ZNF385D: variants seen among roughly 807,000 people sequenced by gnomAD.
ZNF385D encodes the protein zinc finger protein 659.
Under a neutral mutation model 35.8 loss-of-function variants are expected in ZNF385D, and 15 were observed. The ratio of observed to expected loss-of-function variants is 0.42; its 90% CI spans 0.28 to 0.64. ZNF385D has a LOEUF of 0.64. Among genes scored for constraint, ZNF385D ranks in the 30% least tolerant of loss-of-function variants. The probability of loss-of-function intolerance (pLI) is 0.23; values close to 1 mark genes in which losing one functional copy is unlikely to be tolerated. For missense variants in ZNF385D, 474 were observed against 494.6 expected (o/e 0.96, Z 0.39); for synonymous variants, 212 against 186.8 (o/e 1.13, Z -1.10).
chr3:21,836,808 A>G (rs956020452), intron 3 of ZNF385D, among the ~76,000 whole-genome samples: 4 of 152,046 alleles, frequency 2.6e-5, no homozygotes, highest in African/African-American at 4.8e-5. Flanking sequence ...TCGGCTCACA[A>G]TGTACAAAAA....
chr3:22,147,818 G>A (rs770025657), intron 3 of ZNF385D, among the ~76,000 whole-genome samples: 6 of 152,100 alleles, frequency 3.9e-5, no homozygotes, highest in Admixed American at 6.6e-5. Flanking sequence ...ACAGATTCCA[G>A]TGATAAAGTT....
intron 2 of ZNF385D, among the ~76,000 whole-genome samples, chr3:21,575,073 G>A (rs1045461280): frequency 6.6e-6 from 1 of 152,018 alleles, no homozygotes; most frequent in Non-Finnish European, 1.5e-5. Context: ...AAACAAATAT[G>A]GATTTCTGTT....
At chr3:22,281,080 C>A (rs1701713871) in intron 2 of ZNF385D, among the ~76,000 whole-genome samples, 1 of 151,958 alleles carries the variant, frequency 6.6e-6, no homozygotes, top group Non-Finnish European at 1.5e-5. Flanking sequence ...TCTGTACATT[C>A]ATTTTGTACC....
chr3:21,907,211 T>C (rs1283174463), intron 3 of ZNF385D, among the ~76,000 whole-genome samples: 1 of 152,166 alleles, frequency 6.6e-6, no homozygotes, highest in Non-Finnish European at 1.5e-5. Flanking sequence ...AAAGTTCACT[T>C]TATTAAAAAT....
chr3:21,966,650 C>T (rs1037219614), intron 3 of ZNF385D, among the ~76,000 whole-genome samples: 1 of 152,170 alleles, frequency 6.6e-6, no homozygotes, highest in Admixed American at 6.5e-5. Flanking sequence ...GGTGCAATCT[C>T]GGTTCACTAC....
At chr3:21,760,383 C>A (rs182037792) in intron 3 of ZNF385D, among the ~76,000 whole-genome samples, 3 of 152,278 alleles carry the variant, frequency 2.0e-5, no homozygotes, top group East Asian at 1.9e-4. Context: ...ATATGATCAA[C>A]TGGATTTCTC....
intron 3 of ZNF385D, among the ~76,000 whole-genome samples, chr3:22,086,560 A>C (rs1217876121): frequency 5.3e-5 from 8 of 152,194 alleles, no homozygotes; most frequent in Non-Finnish European, 1.0e-4. Flanking sequence ...GGACACAAAG[A>C]AATGGAAGAA....
At chr3:22,188,316 C>T (rs1417286755) in intron 2 of ZNF385D, among the ~76,000 whole-genome samples, 1 of 152,154 alleles carries the variant, frequency 6.6e-6, no homozygotes. Flanking sequence ...GCAATTAAAA[C>T]AGTATTTCGT....
At chr3:21,448,914 C>T (rs1301619361) in intron 4 of ZNF385D, among the ~76,000 whole-genome samples, 1 of 152,096 alleles carries the variant, frequency 6.6e-6, no homozygotes, top group East Asian at 1.9e-4. Context: ...TTTGAGAATA[C>T]ATTCATTGTA....
chr3:22,207,439 T>A (rs1318389895), intron 2 of ZNF385D, among the ~76,000 whole-genome samples: 1 of 151,724 alleles, frequency 6.6e-6, no homozygotes, highest in African/African-American at 2.4e-5. Context: ...AAAAATCAAA[T>A]CAAAATGGAT....
intron 3 of ZNF385D, among the ~76,000 whole-genome samples, chr3:22,115,584 G>C (rs1304193699): frequency 1.3e-5 from 2 of 152,020 alleles, no homozygotes; most frequent in African/African-American, 4.8e-5. Flanking sequence ...AAAGATAATT[G>C]ATTATATGTT....
At chr3:21,443,400 G>A (rs1020328344) in intron 4 of ZNF385D, 11 of 968,160 alleles carry the variant, frequency 1.1e-5, no homozygotes, top group African/African-American at 1.8e-5. Flanking sequence ...TTGTATGCTC[G>A]GTCCTGAAAA....
chr3:21,714,979 C>T (rs1332080451), intron 1 of ZNF385D, among the ~76,000 whole-genome samples: 3 of 152,150 alleles, frequency 2.0e-5, no homozygotes, highest in Non-Finnish European at 4.4e-5. Context: ...CTATAATCTA[C>T]TCATTTAGCA....
chr3:21,976,964 GGC>G (rs1703666621), intron 3 of ZNF385D, among the ~76,000 whole-genome samples: 1 of 152,052 alleles, frequency 6.6e-6, no homozygotes. Flanking sequence ...CGTCAGCCTG[GGC>G]CACAGAGCAA....
chr3:21,498,945 CAAAAAAAAAAA>C (rs35511402), intron 4 of ZNF385D, among the ~76,000 whole-genome samples: 5 of 64,264 alleles, frequency 7.8e-5, no homozygotes, highest in Admixed American at 2.4e-4. Flanking sequence ...GACTCCATCT[CAAAAAAAAAAA>C]AAAAAAAAAA....
At chr3:22,130,221 G>A (rs540021846) in intron 3 of ZNF385D, among the ~76,000 whole-genome samples, 9 of 152,152 alleles carry the variant, frequency 5.9e-5, no homozygotes, top group Non-Finnish European at 1.0e-4. Flanking sequence ...TTACTCTTCC[G>A]TCTTCTCCCA....
chr3:22,367,505 C>G (rs1269887981), intron 2 of ZNF385D, among the ~76,000 whole-genome samples: 1 of 152,132 alleles, frequency 6.6e-6, no homozygotes. Context: ...AACCTTTGTT[C>G]TTTACATTCC....
intron 2 of ZNF385D, among the ~76,000 whole-genome samples, chr3:22,368,570 G>A (rs1328358230): frequency 6.6e-6 from 1 of 152,166 alleles, no homozygotes; most frequent in Admixed American, 6.5e-5. Context: ...TGAAGACCAG[G>A]ATCTTGGTGC....
intron 2 of ZNF385D, among the ~76,000 whole-genome samples, chr3:22,209,177 T>A (rs1697355076): frequency 6.6e-6 from 1 of 151,902 alleles, no homozygotes; most frequent in Non-Finnish European, 1.5e-5. Context: ...TATACATATC[T>A]CTGGAGAGTT....
Sources: gnomAD v4.1 joint callset for allele counts (sites outside exome capture counted in the v4.1 genomes callset) on GRCh38, gnomAD v4.1.1 for gene constraint, MANE v1.5 for transcripts, NCBI Gene and HGNC (gene_info 2026-07-23, HGNC 2026-07-21) for gene names.